The following ELMO1 variants were observed in gnomAD, a reference collection of about 807,000 sequenced individuals.
ELMO1 encodes engulfment and cell motility protein 1.
A neutral mutation model predicts 98.9 loss-of-function variants in ELMO1; 26 were observed. The ratio of observed to expected loss-of-function variants is 0.26; its 90% CI spans 0.19 to 0.36. The LOEUF (loss-of-function observed/expected upper bound fraction) is 0.36, where lower values mean the gene tolerates loss of function less well. ELMO1 is among the 10% of genes least tolerant of loss of function. The pLI is 1.00. For missense variants in ELMO1, 627 were observed against 935.2 expected (o/e 0.67, Z 4.30); for synonymous variants, 346 against 346.0 (o/e 1.00, Z 0.00).
In ELMO1 at chr7:37,342,110, T is replaced by C. The variant is rs1800751161; in HGVS notation, c.78+503A>G. Among the ~76,000 whole-genome samples, 1 of 152,152 alleles carries C rather than the reference T, an allele frequency of 6.6e-6. No individual in the cohort carries two copies. Among genetic ancestry groups the C allele is most frequent in the South Asian group, 2.1e-4 (1 of 4,830 alleles). Reference sequence around the variant, plus strand: ...GCTAGACACATTGTGAATTTTACACTAAAAATAAAAATTACAATTGGCTGA... The same window carrying C: ...GCTAGACACATTGTGAATTTTACACCAAAAATAAAAATTACAATTGGCTGA... On this transcript the variant is annotated intron_variant, in intron 2 of 21. Coordinates refer to ENST00000310758, the MANE Select transcript of ELMO1 (RefSeq NM_014800.11). This position sits in a 1 kb window ranked among gnomAD's most constrained non-coding sequence, Gnocchi z 4.3.
In ELMO1 at chr7:37,421,083, C is replaced by T. The variant is rs59473999; in HGVS notation, c.-74+27592G>A. On this transcript the variant is annotated intron_variant, in intron 1 of 21. Transcript: ENST00000310758. The stretch of plus-strand genomic sequence containing the variant: ...AAAAGCACACTCTGAGCAGTACAGA[C>T]TAACCTCTTCCTAATGAGGAGATGG... 6.4e-3 allele frequency among the ~76,000 whole-genome samples: 981 copies of T among 152,312 alleles called. 5 individuals are homozygous for T. The highest frequency in any genetic ancestry group is 0.023 in the African/African-American group (940 of 41,554).
intron 13 of ELMO1, among the ~76,000 whole-genome samples, chr7:37,169,643 T>C (rs949021805): frequency 1.8e-4 from 28 of 152,256 alleles, no homozygotes; most frequent in African/African-American, 6.3e-4. Context: ...TTCAAGCTTT[T>C]GCTTTTTCTT....
intron 6 of ELMO1, among the ~76,000 whole-genome samples, chr7:37,246,630 A>G (rs1225442320): frequency 6.6e-6 from 1 of 152,208 alleles, no homozygotes; most frequent in Non-Finnish European, 1.5e-5. Flanking sequence ...CACTGGATAA[A>G]TCTGTAAAAA....
chr7:37,307,435 T>A (rs1039142304), intron 4 of ELMO1, among the ~76,000 whole-genome samples: 6 of 152,180 alleles, frequency 3.9e-5, no homozygotes, highest in Non-Finnish European at 7.4e-5. Context: ...CCACCGTGAT[T>A]GTCAGTTTCC....
intron 16 of ELMO1, among the ~76,000 whole-genome samples, chr7:36,917,640 G>T (rs1784805807): frequency 1.3e-5 from 2 of 152,142 alleles, no homozygotes; most frequent in Non-Finnish European, 1.5e-5. Flanking sequence ...TACCAAATGG[G>T]GATGTAAGGA....
intron 15 of ELMO1, among the ~76,000 whole-genome samples, chr7:37,023,652 G>A (rs1018191145): frequency 5.9e-5 from 9 of 152,268 alleles, no homozygotes; most frequent in Admixed American, 3.3e-4. Context: ...CTGTCACCCA[G>A]GCTGGAGTAC....
rs140974372 is a variant in ELMO1, at chr7:37,065,944, T to C, written c.1300+30675A>G. Among the ~76,000 whole-genome samples, 1,377 of 152,270 alleles carry C rather than the reference T, an allele frequency of 9.0e-3. 6 individuals carry two copies. The highest frequency in any genetic ancestry group is 0.014 in the Middle Eastern group (4 of 294). ...TGTCAAAGGCAGGGCCAGGTGGAGA[T>C]AACTGAATCATGGGGCAGCTGCCCT... On this transcript the variant is annotated intron_variant, in intron 15 of 21. Coordinates refer to ENST00000310758, the MANE Select transcript of ELMO1 (RefSeq NM_014800.11).
At chr7:37,360,839 A>T (rs1801673241) in intron 1 of ELMO1, among the ~76,000 whole-genome samples, 2 of 152,374 alleles carry the variant, frequency 1.3e-5, no homozygotes, top group Non-Finnish European at 2.9e-5. Context: ...AAACCTTAAG[A>T]TTAAAGAATA....
At chr7:37,430,277 T>C (rs542534880) in intron 1 of ELMO1, among the ~76,000 whole-genome samples, 2 of 152,196 alleles carry the variant, frequency 1.3e-5, no homozygotes, top group East Asian at 3.9e-4. Context: ...TGCATGAGAG[T>C]ATCAGCCACG....
intron 1 of ELMO1, among the ~76,000 whole-genome samples, chr7:37,376,633 G>C (rs1429557989): frequency 6.6e-6 from 1 of 152,024 alleles, no homozygotes; most frequent in African/African-American, 2.4e-5. Context: ...CGACACTCCT[G>C]TGAGTTCATC....
intron 13 of ELMO1, among the ~76,000 whole-genome samples, chr7:37,191,700 A>T (rs752150625): frequency 6.6e-6 from 1 of 152,208 alleles, no homozygotes; most frequent in African/African-American, 2.4e-5. Context: ...CAAGTGGATC[A>T]TGAGGTCAGG....
intron 16 of ELMO1, among the ~76,000 whole-genome samples, chr7:36,905,132 T>C (rs934346845): frequency 3.3e-5 from 5 of 152,246 alleles, no homozygotes; most frequent in African/African-American, 9.6e-5. Flanking sequence ...GAGTTTCTTT[T>C]CTGGAAAACT....
chr7:37,296,923 C>A (rs564356079), intron 4 of ELMO1, among the ~76,000 whole-genome samples: 1 of 152,164 alleles, frequency 6.6e-6, no homozygotes, highest in African/African-American at 2.4e-5. Flanking sequence ...CAAGCCAATA[C>A]GCCTGAACTA....
intron 16 of ELMO1, among the ~76,000 whole-genome samples, chr7:36,993,308 G>A (rs1562883109): frequency 6.6e-6 from 1 of 152,112 alleles, no homozygotes; most frequent in Non-Finnish European, 1.5e-5. Context: ...TTGGATCTTG[G>A]TAGTAAGTTG....
chr7:37,166,061 T>C (rs981913277), intron 13 of ELMO1, among the ~76,000 whole-genome samples: 20 of 152,238 alleles, frequency 1.3e-4, no homozygotes, highest in Non-Finnish European at 2.5e-4. Flanking sequence ...CCTGGTTTAG[T>C]CTTGGGAGAG....
At chr7:37,381,812 C>T (rs905839575) in intron 1 of ELMO1, among the ~76,000 whole-genome samples, 14 of 152,104 alleles carry the variant, frequency 9.2e-5, no homozygotes, top group Admixed American at 6.5e-5. Flanking sequence ...GTGAATTTCT[C>T]ACTTCTTAGT....
At chr7:37,396,920 G>A (rs1396190108) in intron 1 of ELMO1, among the ~76,000 whole-genome samples, 1 of 152,136 alleles carries the variant, frequency 6.6e-6, no homozygotes, top group Non-Finnish European at 1.5e-5. Flanking sequence ...AGTAATAAGA[G>A]GACAATTGGT....
chr7:37,186,069 AC>A (rs1791185048), intron 13 of ELMO1, among the ~76,000 whole-genome samples: 1 of 152,222 alleles, frequency 6.6e-6, no homozygotes, highest in Non-Finnish European at 1.5e-5. Context: ...AAAACTTACT[AC>A]AAAGTTTCCA....
At chr7:37,171,577 G>A (rs923423785) in intron 13 of ELMO1, among the ~76,000 whole-genome samples, 1 of 131,788 alleles carries the variant, frequency 7.6e-6, no homozygotes, top group Non-Finnish European at 1.6e-5. Flanking sequence ...ACTGCAAGCT[G>A]AGCCTCCCAG....
Sources: gnomAD v4.1 joint callset for allele counts (sites outside exome capture counted in the v4.1 genomes callset) on GRCh38, gnomAD v4.1.1 for gene constraint, Gnocchi (gnomAD v3.1) non-coding constraint, MANE v1.5 for transcripts, NCBI Gene and HGNC (gene_info 2026-07-23, HGNC 2026-07-21) for gene names.